The following MCF2L variants were observed in gnomAD, a reference collection of about 807,000 sequenced individuals.
The protein encoded by MCF2L is guanine nucleotide exchange factor DBS.
In MCF2L, 97 loss-of-function variants were observed where a neutral mutation model predicts 153.4. That is an observed-to-expected ratio of 0.63 (90% CI 0.54 to 0.75). The LOEUF is 0.75. Ranked by LOEUF, MCF2L falls within the 30% of genes least tolerant of loss-of-function variation. MCF2L has a pLI of 0.00. For missense variants in MCF2L, 1,347 were observed against 1,495.2 expected (o/e 0.90, Z 1.64); for synonymous variants, 659 against 632.2 (o/e 1.04, Z -0.64).
intron 1 of MCF2L, among the ~76,000 whole-genome samples, chr13:112,995,194 G>A (rs929442234): frequency 1.3e-5 from 2 of 152,234 alleles, no homozygotes; most frequent in Admixed American, 6.5e-5. Context: ...TTACAGACTC[G>A]CTCACGGAGG....
At chr13:113,060,239 C>T (rs1014235468) in intron 4 of MCF2L, among the ~76,000 whole-genome samples, 2 of 152,178 alleles carry the variant, frequency 1.3e-5, no homozygotes, top group South Asian at 2.1e-4. Context: ...CTGTAAAGAC[C>T]GCGTCACCAG....
At position 113,095,030 on chromosome 13, in the gene MCF2L, C is replaced by T. The variant is rs1342784932; in HGVS notation, c.3075+395C>T. The stretch of plus-strand genomic sequence containing the variant: ...TGCACCTTCCTCAGAGGAGACAGTC[C>T]CCACCCCCCTACCCTTTATGTCATA... On this transcript the variant is annotated intron_variant, in intron 27 of 29. Transcript: ENST00000535094. 2.2e-6 allele frequency: 3 copies of T among 1,373,758 alleles called. No individual in the cohort carries two copies. In the Admixed American group the frequency reaches 5.7e-5, roughly 26 times the overall value. The allele number at this position is 1,373,758 out of a possible 1,614,324, so 85.1% of individuals were successfully genotyped here.
rs2081571094 is a variant in MCF2L, at chr13:112,941,100, C to A, written c.169+38729C>A. ...AGGGAGCATATTTTTACCATCTTTT[C>A]CGCAGGGTCAGAGTGGCCATCGTGC... On this transcript the variant is annotated intron_variant, in intron 2 of 29. Transcript: ENST00000375608. This position sits in a 1 kb window ranked among gnomAD's most constrained non-coding sequence, Gnocchi z 4.9. Among the ~76,000 whole-genome samples, 1 of 152,186 alleles carries A rather than the reference C, an allele frequency of 6.6e-6. No individual in the cohort carries two copies. The highest frequency in any genetic ancestry group is 2.1e-4 in the South Asian group (1 of 4,834).
Position 113,064,265 on chromosome 13 carries a change from T to C in MCF2L, c.490-39T>C. ...GGGCAGCTCTTTTGGGAGCCAACAA[T>C]AATCCCAAACACTACCACGCATTCC... On this transcript the variant is annotated intron_variant, in intron 5 of 29. Transcript: ENST00000535094. This position sits in a 1 kb window ranked among gnomAD's most constrained non-coding sequence, Gnocchi z 6.0. 6.9e-7 allele frequency: 1 copy of C among 1,458,058 alleles called. No homozygotes were observed. The highest frequency in any genetic ancestry group is 2.3e-5 in the East Asian group (1 of 44,098). The allele number at this position is 1,458,058 out of a possible 1,614,324, so 90.3% of individuals were successfully genotyped here.
chr13:113,081,082 C>A (rs1426693428), intron 15 of MCF2L, 131 bp from the exon 16 acceptor site: 6 of 737,232 alleles, frequency 8.1e-6, no homozygotes, highest in Non-Finnish European at 1.3e-5. Flanking sequence ...AGCCTGTGGG[C>A]TTTGGGTCGC....
At chr13:113,091,650 T>C (rs35165135) in intron 26 of MCF2L, among the ~76,000 whole-genome samples, 128,272 of 151,298 alleles carry the variant, frequency 0.85, 54,695 homozygotes, top group South Asian at 0.9. Flanking sequence ...CCGGGGCCAA[T>C]GAGGCCGAGC....
intron 2 of MCF2L, among the ~76,000 whole-genome samples, chr13:113,015,298 C>T (rs1295660048): frequency 1.3e-5 from 2 of 152,250 alleles, no homozygotes; most frequent in African/African-American, 2.4e-5. Context: ...ATGAGGCTCC[C>T]AGCACCCCTG....
Position 113,074,405 on chromosome 13 carries a change from G to A in MCF2L, c.997-39G>A, listed in dbSNP as rs775387539. On this transcript the variant is annotated intron_variant, in intron 9 of 29. Coordinates refer to ENST00000535094, the MANE Select transcript of MCF2L (RefSeq NM_001112732.3). The surrounding 1 kb of genome is among the most constrained non-coding windows in gnomAD (Gnocchi z 4.2). The stretch of plus-strand genomic sequence containing the variant: ...GAGTGGGTTCTCTCTGTTCAGGTGA[G>A]GGAGACACCCCCCTGAGATGGGCCC... 1.9e-6 allele frequency: 3 copies of A among 1,600,228 alleles called. No individual in the cohort carries two copies. Among genetic ancestry groups the A allele is most frequent in the Admixed American group, 3.3e-5 (2 of 59,808 alleles).
chr13:113,017,817 T>C (rs1347325034), intron 2 of MCF2L, among the ~76,000 whole-genome samples: 16 of 152,342 alleles, frequency 1.1e-4, no homozygotes, highest in African/African-American at 3.8e-4. Flanking sequence ...CCCCAGCCTG[T>C]TCCGTGGACT....
At chr13:113,091,026 C>T in intron 26 of MCF2L, 1 of 1,290,806 alleles carries the variant, frequency 7.7e-7, no homozygotes, top group East Asian at 5.6e-5. Context: ...TCGGTGTCCC[C>T]TTCCAGCACG....
At chr13:113,048,846 A>T (rs2087010067) in intron 4 of MCF2L, among the ~76,000 whole-genome samples, 1 of 152,204 alleles carries the variant, frequency 6.6e-6, no homozygotes, top group Non-Finnish European at 1.5e-5. Context: ...GGAAGTGAGC[A>T]AGGCTCACCG....
intron 11 of MCF2L, 61 bp downstream of exon 11, chr13:113,075,250 A>G (rs2033347235): frequency 6.9e-7 from 1 of 1,452,728 alleles, no homozygotes; most frequent in Non-Finnish European, 9.3e-7. Context: ...TCTTCCTCCC[A>G]CATCCACCAC....
rs2086068585 is a variant in MCF2L, at chr13:113,035,073, G to C, written c.279-10198G>C. Among the ~76,000 whole-genome samples the C allele has an allele frequency of 6.6e-6, 1 of 152,194 alleles. No homozygotes were observed. Among genetic ancestry groups the C allele is most frequent in the African/African-American group, 2.4e-5 (1 of 41,448 alleles). On this transcript the variant is annotated intron_variant, in intron 3 of 29. Coordinates refer to ENST00000535094, the MANE Select transcript of MCF2L (RefSeq NM_001112732.3). This position sits in a 1 kb window ranked among gnomAD's most constrained non-coding sequence, Gnocchi z 4.4. Reference sequence around the variant, plus strand: ...CTCGGGAGGAAGGGTTCCTGTCCACGTTCAGCACCCCCGTGCAGACCTCAC... The same window carrying C: ...CTCGGGAGGAAGGGTTCCTGTCCACCTTCAGCACCCCCGTGCAGACCTCAC...
intron 7 of MCF2L, among the ~76,000 whole-genome samples, chr13:113,065,558 A>G (rs1031952926): frequency 3.3e-5 from 5 of 152,214 alleles, no homozygotes; most frequent in Non-Finnish European, 5.9e-5. Context: ...CCCAGTGCTC[A>G]CGTGTCCACA....
At chr13:113,095,058 A>T in intron 27 of MCF2L, 1 of 1,369,638 alleles carries the variant, frequency 7.3e-7, no homozygotes, top group East Asian at 4.5e-5. Flanking sequence ...ATGTCATAGA[A>T]TGCTGTCACT....
chr13:112,923,070 T>C (rs141515393), intron 2 of MCF2L, among the ~76,000 whole-genome samples: 226 of 152,276 alleles, frequency 1.5e-3, no homozygotes, highest in African/African-American at 4.9e-3. Flanking sequence ...TACAGAACAA[T>C]GGCAAGGGTA....
chr13:113,061,224 C>G (rs374125268), intron 5 of MCF2L, among the ~76,000 whole-genome samples: 2 of 152,142 alleles, frequency 1.3e-5, no homozygotes, highest in Non-Finnish European at 2.9e-5. Flanking sequence ...TGCCCCATCG[C>G]CACCACACTA....
At chr13:113,006,929 AC>A (rs1416386657) in intron 1 of MCF2L, among the ~76,000 whole-genome samples, 3 of 152,094 alleles carry the variant, frequency 2.0e-5, no homozygotes, top group African/African-American at 7.2e-5. Context: ...TAGGGCTGTG[AC>A]CGGAGGTGGC....
intron 2 of MCF2L, among the ~76,000 whole-genome samples, chr13:112,905,525 G>A (rs894089640): frequency 2.0e-5 from 3 of 152,326 alleles, no homozygotes; most frequent in Middle Eastern, 3.4e-3. Context: ...GGACAAAGAC[G>A]AGGGATTTGA....
Sources: allele counts gnomAD v4.1 joint callset (sites outside exome capture counted in the v4.1 genomes callset), GRCh38; gene constraint gnomAD v4.1.1; non-coding constraint Gnocchi (gnomAD v3.1); transcripts MANE v1.5; gene names NCBI Gene and HGNC (gene_info 2026-07-23, HGNC 2026-07-21).